The following DYNC2H1 variants were observed in gnomAD, a reference collection of about 807,000 sequenced individuals.
DYNC2H1 encodes cytoplasmic dynein 2 heavy chain 1.
DYNC2H1 carries 410 observed loss-of-function variants against 570.0 expected under a neutral mutation model. That is an observed-to-expected ratio of 0.72 (90% CI 0.66 to 0.78). The LOEUF (loss-of-function observed/expected upper bound fraction) is 0.78. Ranked by LOEUF, DYNC2H1 falls within the 30% of genes least tolerant of loss-of-function variation. The probability of loss-of-function intolerance (pLI) is 0.00; values close to 1 mark genes in which losing one functional copy is unlikely to be tolerated. For synonymous variants in DYNC2H1, 1,688 were observed against 1,677.6 expected (o/e 1.01, Z -0.15); for missense variants, 4,865 against 5,046.4 (o/e 0.96, Z 1.09).
rs902741736 is a variant in DYNC2H1 at position 103,334,862 on chromosome 11, C to T, written c.12039+10872C>T. 1.3e-5 allele frequency among the ~76,000 whole-genome samples: 2 copies of T among 152,198 alleles called. No individual in the cohort carries two copies. The highest frequency in any genetic ancestry group is 4.1e-4 in the South Asian group (2 of 4,828). On this transcript the variant is annotated intron_variant, in intron 82 of 88. Coordinates refer to ENST00000375735, the MANE Select transcript of DYNC2H1 (RefSeq NM_001377.3). The surrounding 1 kb of genome is among the most constrained non-coding windows in gnomAD (Gnocchi z 4.3). Reference sequence around the variant, plus strand: ...TGCTGTGGAGTAATCTTTCCACATGCTGCAGAGAGAAGGGTATTTTCTAGT... The same window carrying T: ...TGCTGTGGAGTAATCTTTCCACATGTTGCAGAGAGAAGGGTATTTTCTAGT...
At chr11:103,276,300 G>A (rs539023919) in intron 70 of DYNC2H1, among the ~76,000 whole-genome samples, 1 of 152,040 alleles carries the variant, frequency 6.6e-6, no homozygotes, top group Non-Finnish European at 1.5e-5. Context: ...AGTACTTACA[G>A]GAAGGTCTTT....
chr11:103,169,882 A>C lies in DYNC2H1; in HGVS notation c.4969-226A>C, dbSNP rs116238004. Reference sequence around the variant, plus strand: ...TTGAGAAACAATTTTGAAACCTAACAATGTATTGAGTATAGTATGAAATAC... The same window carrying C: ...TTGAGAAACAATTTTGAAACCTAACCATGTATTGAGTATAGTATGAAATAC... On this transcript the variant is annotated intron_variant, in intron 32 of 88. Transcript: ENST00000375735. 1.5e-3 allele frequency among the ~76,000 whole-genome samples: 232 copies of C among 152,282 alleles called. 2 individuals are homozygous for C. Among genetic ancestry groups the C allele is most frequent in the African/African-American group, 5.4e-3 (226 of 41,564 alleles).
chr11:103,326,424 G>A lies in DYNC2H1; in HGVS notation c.12039+2434G>A, dbSNP rs1938484152. On this transcript the variant is annotated intron_variant, in intron 82 of 88. Transcript: ENST00000375735. The surrounding 1 kb of genome is among the most constrained non-coding windows in gnomAD (Gnocchi z 6.1). ...TTCTGGGCCAGCCCTGTGGAGGGACGTACGAACCGCCTCTGTGCTGGCCCA... is the reference window on the plus strand; with the variant it reads ...TTCTGGGCCAGCCCTGTGGAGGGACATACGAACCGCCTCTGTGCTGGCCCA... Among the ~76,000 whole-genome samples, 3 of 152,150 alleles carry A rather than the reference G, an allele frequency of 2.0e-5. No individual in the cohort carries two copies. Among genetic ancestry groups the A allele is most frequent in the African/African-American group, 7.2e-5 (3 of 41,424 alleles).
chr11:103,207,599 G>A (rs762428486), intron 52 of DYNC2H1, among the ~76,000 whole-genome samples: 4 of 152,092 alleles, frequency 2.6e-5, no homozygotes, highest in Non-Finnish European at 5.9e-5. Flanking sequence ...AGGCTTTGGA[G>A]GCTTAAAGAG....
At chr11:103,274,254 C>A (rs1370575502) in intron 70 of DYNC2H1, among the ~76,000 whole-genome samples, 2 of 151,830 alleles carry the variant, frequency 1.3e-5, no homozygotes, top group African/African-American at 4.8e-5. Context: ...CAGCACTTTG[C>A]ATGGTCAAGG....
chr11:103,127,473 C>A (rs910778307), intron 12 of DYNC2H1, among the ~76,000 whole-genome samples: 4 of 152,038 alleles, frequency 2.6e-5, no homozygotes, highest in African/African-American at 7.2e-5. Context: ...TTTTGTGGTA[C>A]AGAATAAGTA....
At chr11:103,422,414 G>T (rs1943517953) in intron 84 of DYNC2H1, among the ~76,000 whole-genome samples, 3 of 152,124 alleles carry the variant, frequency 2.0e-5, no homozygotes, top group Non-Finnish European at 4.4e-5. Context: ...CAATATCCTT[G>T]ATGAACATCC....
At position 103,157,380 on chromosome 11, in the gene DYNC2H1, T is replaced by G. The variant is rs1403604916; in HGVS notation, c.4127+610T>G. On this transcript the variant is annotated intron_variant, in intron 26 of 88. Transcript: ENST00000375735. This position sits in a 1 kb window ranked among gnomAD's most constrained non-coding sequence, Gnocchi z 4.2. ...TGAGCTCCAAATCTACCAAACATGC[T>G]CAAATAGTAGGCTAAAACTGAATCC... 6.6e-6 allele frequency among the ~76,000 whole-genome samples: 1 copy of G among 152,246 alleles called. No homozygotes were observed. Among genetic ancestry groups the G allele is most frequent in the Non-Finnish European group, 1.5e-5 (1 of 68,038 alleles).
intron 36 of DYNC2H1, 36 bp from the exon 37 acceptor site, chr11:103,176,199 A>T: frequency 7.0e-7 from 1 of 1,422,116 alleles, no homozygotes; most frequent in Non-Finnish European, 9.2e-7. Context: ...TCATTAAAGT[A>T]ATAATAAATA....
intron 84 of DYNC2H1, among the ~76,000 whole-genome samples, chr11:103,409,894 A>G (rs1259028581): frequency 6.6e-6 from 1 of 152,060 alleles, no homozygotes; most frequent in Admixed American, 6.6e-5. Context: ...TTAATGCTTG[A>G]TTCAGTTCTT....
chr11:103,240,218 C>G (rs1864376435), intron 63 of DYNC2H1, among the ~76,000 whole-genome samples: 1 of 152,104 alleles, frequency 6.6e-6, no homozygotes, highest in Admixed American at 6.6e-5. Context: ...TCTCTTTACC[C>G]TTTGTTAACC....
Position 103,113,541 on chromosome 11 carries a change from A to G in DYNC2H1, c.200A>G (p.Glu67Gly), listed in dbSNP as rs1282816446. 36 of 1,550,650 alleles carry G rather than the reference A, an allele frequency of 2.3e-5. No individual in the cohort carries two copies. The highest frequency in any genetic ancestry group is 3.1e-5 in the Non-Finnish European group (36 of 1,155,642). ...AAAAATCATTTATCACTTTAGATTG[A>G]GTTTGGTGACACAAAAGATAAAGTG... ...DAGISFSNTIEFGDTKDKVLV... is the reference protein window; with the variant it reads ...DAGISFSNTIGFGDTKDKVLV... Residue 67 changes from glutamate to glycine, a missense_variant, in exon 2 of 89, where the codon GAG becomes GGG. Glu to Gly is a moderately conservative substitution (Grantham distance 98). This residue lies in a region of DYNC2H1 where 1,936 missense variants were observed against 1,962.1 expected (regional missense o/e 0.99). Coordinates refer to ENST00000375735, the MANE Select transcript of DYNC2H1 (RefSeq NM_001377.3).
At chr11:103,230,967 T>C (rs1402909226) in intron 59 of DYNC2H1, among the ~76,000 whole-genome samples, 1 of 152,170 alleles carries the variant, frequency 6.6e-6, no homozygotes, top group Non-Finnish European at 1.5e-5. Flanking sequence ...TGGCTTCATT[T>C]TAGTAGGGTT....
At chr11:103,358,424 C>T in intron 83 of DYNC2H1, 65 bp downstream of exon 83, 1 of 1,116,936 alleles carries the variant, frequency 9.0e-7, no homozygotes, top group Non-Finnish European at 1.3e-6. Flanking sequence ...ATGTGCTCCC[C>T]ATTTCTGCCT....
intron 84 of DYNC2H1, among the ~76,000 whole-genome samples, chr11:103,431,835 C>G (rs534332604): frequency 1.3e-5 from 2 of 152,204 alleles, no homozygotes; most frequent in East Asian, 3.9e-4. Context: ...GGCAAAACTT[C>G]GTAGCCCAAT....
rs979025641 is a variant in DYNC2H1, at chr11:103,268,695, T to C, written c.10695+8718T>C. ...GTTATTTTAAGCTGCCCCAAATCTTTTTTGAAAGTGGATATGTTATAAATA... is the reference window on the plus strand; with the variant it reads ...GTTATTTTAAGCTGCCCCAAATCTTCTTTGAAAGTGGATATGTTATAAATA... On this transcript the variant is annotated intron_variant, in intron 70 of 88. Coordinates refer to ENST00000375735, the MANE Select transcript of DYNC2H1 (RefSeq NM_001377.3). The surrounding 1 kb of genome is among the most constrained non-coding windows in gnomAD (Gnocchi z 4.6). 6.6e-6 allele frequency among the ~76,000 whole-genome samples: 1 copy of C among 151,994 alleles called. No homozygotes were observed. Among genetic ancestry groups the C allele is most frequent in the Admixed American group, 6.5e-5 (1 of 15,274 alleles).
At chr11:103,127,148 T>C (rs1480089020) in intron 12 of DYNC2H1, among the ~76,000 whole-genome samples, 1 of 152,144 alleles carries the variant, frequency 6.6e-6, no homozygotes, top group Non-Finnish European at 1.5e-5. Flanking sequence ...TTTTCTCAAG[T>C]ACACAGAGGG....
At chr11:103,313,927 G>T (rs1243874012) in intron 79 of DYNC2H1, among the ~76,000 whole-genome samples, 7 of 152,028 alleles carry the variant, frequency 4.6e-5, no homozygotes, top group Non-Finnish European at 1.0e-4. Flanking sequence ...AAATGGGTAG[G>T]CACATCTTCC....
intron 3 of DYNC2H1, 126 bp from the exon 4 acceptor site, chr11:103,115,051 C>T: frequency 1.9e-6 from 1 of 540,268 alleles, no homozygotes; most frequent in South Asian, 3.0e-5. Context: ...GGAAGTGTCA[C>T]CTATTTGACC....
Sources: allele counts gnomAD v4.1 joint callset (sites outside exome capture counted in the v4.1 genomes callset), GRCh38; gene constraint gnomAD v4.1.1; regional missense constraint gnomAD v4.1.1; non-coding constraint Gnocchi (gnomAD v3.1); transcripts MANE v1.5; gene names NCBI Gene and HGNC (gene_info 2026-07-23, HGNC 2026-07-21).